Variants in PHEX observed in about 807,000 individuals in gnomAD.
PHEX encodes phosphate-regulating neutral endopeptidase PHEX.
PHEX carries 16 observed loss-of-function variants against 68.0 expected under a neutral mutation model. The observed-to-expected ratio is 0.24, with a 90% CI of 0.16 to 0.36. The LOEUF (loss-of-function observed/expected upper bound fraction) is 0.36, where lower values mean the gene tolerates loss of function less well. PHEX is among the 10% of genes least tolerant of loss of function. The pLI, the probability that PHEX is intolerant of heterozygous loss-of-function variation, is 1.00. For synonymous variants in PHEX, 208 were observed against 205.1 expected, an observed-to-expected ratio of 1.01 and a Z score of -0.12; for missense variants, 480 against 575.5, an observed-to-expected ratio of 0.83 and a Z score of 1.70.
intron 15 of PHEX, among the ~76,000 whole-genome samples, chrX:22,204,466 C>T (rs1934649098): frequency 8.9e-6 from 1 of 112,303 alleles, no homozygotes; most frequent in South Asian, 3.7e-4. Context: ...TATAGGTTTA[C>T]CTTCCTCTTT....
rs1247633385 is a variant in PHEX at position 22,058,529 on chromosome X, G to C, written c.349+11318G>C. ...CACATGCCTGTAAATAAGGAAGCTG[G>C]TTCTGAAAGAGGCAAGGCTGGAGAT... On this transcript the variant is annotated intron_variant, in intron 3 of 21. Transcript: ENST00000379374. 2.7e-5 allele frequency among the ~76,000 whole-genome samples: 3 copies of C among 112,004 alleles called. No homozygotes were observed. The East Asian group carries it at 8.4e-4, about 31-fold the overall frequency.
intron 15 of PHEX, among the ~76,000 whole-genome samples, chrX:22,206,790 T>C (rs1295537542): frequency 9.0e-6 from 1 of 111,552 alleles, no homozygotes; most frequent in Non-Finnish European, 1.9e-5. Context: ...TATTTATTTG[T>C]TTTCTTGAGG....
chrX:22,152,709 G>C (rs778617486), intron 12 of PHEX, among the ~76,000 whole-genome samples: 1 of 112,035 alleles, frequency 8.9e-6, no homozygotes, highest in African/African-American at 3.2e-5. Flanking sequence ...GATCAGGATA[G>C]CGGTTCTTTT....
intron 12 of PHEX, among the ~76,000 whole-genome samples, chrX:22,140,631 G>A (rs895535956): frequency 4.5e-5 from 5 of 109,949 alleles, no homozygotes; most frequent in Admixed American, 9.7e-5. Context: ...ACAGGCATGC[G>A]CCACCATGCC....
chrX:22,041,265 C>CTCTCTCTCTCTCTCTATA (rs1468778300), intron 2 of PHEX, among the ~76,000 whole-genome samples: 7 of 72,815 alleles, frequency 9.6e-5, no homozygotes, highest in African/African-American at 4.4e-4. Context: ...CTCTCTCTCT[C>CTCTCTCTCTCTCTCTATA]TATATATATA....
intron 3 of PHEX, among the ~76,000 whole-genome samples, chrX:22,074,340 G>A (rs907063914): frequency 1.8e-5 from 2 of 109,266 alleles, no homozygotes; most frequent in Admixed American, 2.0e-4. Context: ...TGTGATAGCC[G>A]AATCTGTTTT....
chrX:22,196,155 G>A (rs1602379248), intron 15 of PHEX, among the ~76,000 whole-genome samples: 1 of 111,275 alleles, frequency 9.0e-6, no homozygotes, highest in East Asian at 2.8e-4. Flanking sequence ...CTCCAGCCTG[G>A]GTGACAGAGC....
intron 12 of PHEX, among the ~76,000 whole-genome samples, chrX:22,144,438 C>T (rs187777001): frequency 8.6e-4 from 95 of 111,021 alleles, no homozygotes; most frequent in Middle Eastern, 4.6e-3. Flanking sequence ...AACTAATCTC[C>T]GTATACTTAT....
intron 3 of PHEX, among the ~76,000 whole-genome samples, chrX:22,071,700 G>A (rs1205723111): frequency 8.9e-6 from 1 of 112,732 alleles, no homozygotes. Flanking sequence ...TCCCCTTTGA[G>A]GCTAGGCTTG....
chrX:22,226,261 C>T (rs1183131727), intron 18 of PHEX, among the ~76,000 whole-genome samples, 182 bp from the exon 19 acceptor site: 1 of 110,874 alleles, frequency 9.0e-6, no homozygotes, highest in African/African-American at 3.3e-5. Context: ...TCCAGAGCAC[C>T]TTGCTGAGGA....
chrX:22,155,857 G>A (rs1053677005), intron 12 of PHEX, among the ~76,000 whole-genome samples: 2 of 111,306 alleles, frequency 1.8e-5, no homozygotes, highest in Admixed American at 9.6e-5. Context: ...GTGTAGAAGA[G>A]GGGTTGGCAA....
chrX:22,245,776 A>G (rs1936374295), intron 21 of PHEX, among the ~76,000 whole-genome samples: 1 of 112,087 alleles, frequency 8.9e-6, no homozygotes, highest in South Asian at 3.7e-4. Flanking sequence ...AAAGAGTCTC[A>G]GTAAACTGCA....
Position 22,249,455 on chromosome X carries a change from A to AAAAAAATATATATATATATATATATATAT in PHEX, c.*1503_*1504insAAAAATATATATATATATATATATATATA. ...TTGTGATTCTTTTAAAAAAAAAAAA[A>AAAAAAATATATATATATATATATATATAT]ATATATATATATATATATATATATA... On this transcript the variant is annotated 3_prime_UTR_variant, in exon 22 of 22. Coordinates refer to ENST00000379374, the MANE Select transcript of PHEX (RefSeq NM_000444.6). The AAAAAAATATATATATATATATATATATAT allele has an allele frequency of 2.5e-5, 1 of 39,764 alleles. No individual in the cohort carries two copies. Among genetic ancestry groups the AAAAAAATATATATATATATATATATATAT allele is most frequent in the African/African-American group, 1.7e-4 (1 of 6,007 alleles). 3.3% of individuals were successfully genotyped at this position (39,764 alleles called of 1,213,427 possible). A position where few individuals can be genotyped will look rare whatever the true frequency, so the allele number is the denominator to read the frequency against.
chrX:22,243,520 T>G (rs1273666149), intron 20 of PHEX, among the ~76,000 whole-genome samples: 1 of 111,955 alleles, frequency 8.9e-6, no homozygotes, highest in African/African-American at 3.2e-5. Flanking sequence ...AGAAACTTTT[T>G]GCAATCTACC....
intron 3 of PHEX, among the ~76,000 whole-genome samples, chrX:22,051,721 A>AAT (rs1275164914): frequency 9.0e-6 from 1 of 111,091 alleles, no homozygotes; most frequent in Non-Finnish European, 1.9e-5. Context: ...TCCATCTGTA[A>AAT]ATATATATAT....
chrX:22,164,523 T>C (rs1933245147), intron 12 of PHEX, among the ~76,000 whole-genome samples: 1 of 111,811 alleles, frequency 8.9e-6, no homozygotes, highest in South Asian at 3.8e-4. Context: ...TGTGAGGCTC[T>C]GTAGTGCAGT....
chrX:22,092,836 G>T (rs759322906), intron 6 of PHEX, among the ~76,000 whole-genome samples: 1 of 94,184 alleles, frequency 1.1e-5, no homozygotes, highest in Non-Finnish European at 2.0e-5. Context: ...TGCAACCTCC[G>T]CCTCCTGGGT....
intron 11 of PHEX, among the ~76,000 whole-genome samples, chrX:22,115,922 G>A (rs1252696220): frequency 8.9e-6 from 1 of 112,353 alleles, no homozygotes; most frequent in Non-Finnish European, 1.9e-5. Flanking sequence ...GAACATGAAG[G>A]TGCAGATCTT....
chrX:22,227,756 T>G, intron 20 of PHEX, 145 bp downstream of exon 20: 3 of 494,043 alleles, frequency 6.1e-6, no homozygotes, highest in South Asian at 5.8e-5. Flanking sequence ...TCAGGGTAAA[T>G]CTCATCTTCT....
Sources: gnomAD v4.1 joint callset for allele counts (sites outside exome capture counted in the v4.1 genomes callset) on GRCh38, gnomAD v4.1.1 for gene constraint, MANE v1.5 for transcripts, NCBI Gene and HGNC (gene_info 2026-07-23, HGNC 2026-07-21) for gene names.